NINJ2: variants seen among roughly 807,000 people sequenced by gnomAD.
The protein encoded by NINJ2 is ninjurin-2.
In NINJ2, 12 loss-of-function variants were observed where a neutral mutation model predicts 11.7. The ratio of observed to expected loss-of-function variants is 1.02; its 90% CI spans 0.66 to 1.66. NINJ2 has a LOEUF of 1.66. NINJ2 is among the 40% of genes most tolerant of loss of function. The probability of loss-of-function intolerance (pLI) is 0.00; values close to 1 mark genes in which losing one functional copy is unlikely to be tolerated. For synonymous variants in NINJ2, 93 were observed against 76.8 expected, an observed-to-expected ratio of 1.21 and a Z score of -1.10; for missense variants, 187 against 181.8, an observed-to-expected ratio of 1.03 and a Z score of -0.16.
chr12:635,503 G>GATA lies in NINJ2; in HGVS notation c.33+27824_33+27825insTAT, dbSNP rs1359283709. ...GAAAGGATAATCTTTTCAGTAAATG[G>GATA]TGCTGGAAAAACTGGATAGTCCCAC... is the stretch of plus-strand genomic sequence containing the variant. On this transcript the variant is annotated intron_variant, in intron 1 of 3. Transcript: ENST00000305108. 2.0e-5 allele frequency among the ~76,000 whole-genome samples: 3 copies of GATA among 152,290 alleles called. No individual in the cohort carries two copies. In the South Asian group the frequency reaches 6.2e-4, roughly 32 times the overall value.
chr12:653,470 G>A (rs746232508), intron 1 of NINJ2, among the ~76,000 whole-genome samples: 2 of 152,002 alleles, frequency 1.3e-5, no homozygotes, highest in African/African-American at 4.8e-5. Context: ...GCAATGATAC[G>A]TGGAACAGGA....
At chr12:602,127 A>T (rs1166412077) in intron 1 of NINJ2, among the ~76,000 whole-genome samples, 1 of 152,048 alleles carries the variant, frequency 6.6e-6, no homozygotes. Flanking sequence ...TCCACACTCA[A>T]TGGGGATGAC....
chr12:610,253 G>C (rs1592096112), intron 1 of NINJ2: 1 of 1,044,972 alleles, frequency 9.6e-7, no homozygotes, highest in African/African-American at 1.6e-5. Flanking sequence ...GAGTGAAACA[G>C]CCCCTCTGGC....
intron 1 of NINJ2, among the ~76,000 whole-genome samples, chr12:584,356 T>C (rs2369386): frequency 0.27 from 41,070 of 151,844 alleles, 5,896 homozygotes; most frequent in South Asian, 0.37. Context: ...CTGGGAAACA[T>C]AACGAGACCC....
At chr12:627,940 G>GA (rs1307717101) in intron 1 of NINJ2, among the ~76,000 whole-genome samples, 3 of 151,190 alleles carry the variant, frequency 2.0e-5, no homozygotes, top group Non-Finnish European at 4.4e-5. Flanking sequence ...GTCTCAAAAA[G>GA]AAAAAAAAAG....
At chr12:605,942 G>C (rs1464242693) in intron 1 of NINJ2, among the ~76,000 whole-genome samples, 3 of 152,170 alleles carry the variant, frequency 2.0e-5, no homozygotes, top group South Asian at 4.1e-4. Flanking sequence ...AGAATGTAGG[G>C]AGCAGAAGAA....
chr12:612,222 G>A (rs11063868), intron 1 of NINJ2, among the ~76,000 whole-genome samples: 10,542 of 152,270 alleles, frequency 0.069, 478 homozygotes, highest in Middle Eastern at 0.12. Context: ...ATTACACACA[G>A]GCGAGAAATA....
chr12:577,416 C>CATATATATACATACATATATATGT (rs1947474810), intron 1 of NINJ2, among the ~76,000 whole-genome samples: 1 of 121,240 alleles, frequency 8.2e-6, no homozygotes, highest in Non-Finnish European at 1.8e-5. Context: ...ACACTAGTCT[C>CATATATATACATACATATATATGT]ATATATATAT....
intron 1 of NINJ2, among the ~76,000 whole-genome samples, chr12:612,318 G>A (rs182277645): frequency 7.2e-5 from 11 of 152,186 alleles, no homozygotes; most frequent in African/African-American, 2.4e-4. Flanking sequence ...GTGGGGTGTC[G>A]GGGCAGTCGC....
intron 1 of NINJ2, among the ~76,000 whole-genome samples, chr12:661,955 G>A (rs1937963529): frequency 6.6e-6 from 1 of 152,228 alleles, no homozygotes; most frequent in South Asian, 2.1e-4. Flanking sequence ...TGCCCTCAGA[G>A]ATCTTGTGTC....
intron 1 of NINJ2, chr12:631,017 AAGG>A (rs1466583375): frequency 2.0e-5 from 3 of 152,190 alleles, no homozygotes; most frequent in South Asian, 2.1e-4. Flanking sequence ...TCTGGAGGGG[AAGG>A]AGGAGAGTCA....
intron 1 of NINJ2, among the ~76,000 whole-genome samples, chr12:663,105 C>G (rs1937979180): frequency 6.6e-6 from 1 of 152,074 alleles, no homozygotes; most frequent in Non-Finnish European, 1.5e-5. Context: ...AGGGAGTTAA[C>G]CAATCTGTTT....
chr12:655,946 AAAAT>A (rs1401737941), intron 1 of NINJ2, among the ~76,000 whole-genome samples: 14 of 152,060 alleles, frequency 9.2e-5, no homozygotes, highest in Admixed American at 1.3e-4. Context: ...AAATAAATAT[AAAAT>A]AAATAGATAG....
Position 580,195 on chromosome 12 carries a change from G to C in NINJ2, c.34-14017C>G, listed in dbSNP as rs1188126210. The stretch of plus-strand genomic sequence containing the variant: ...TAAAGTGTATAAAGGGGGAAGCCAG[G>C]AGATAGAGAGCTTATCCATCCCTCC... On this transcript the variant is annotated intron_variant, in intron 1 of 3. Coordinates refer to ENST00000305108, the MANE Select transcript of NINJ2 (RefSeq NM_016533.6). The surrounding 1 kb of genome is among the most constrained non-coding windows in gnomAD (Gnocchi z 4.7). Among the ~76,000 whole-genome samples, 1 of 152,204 alleles carries C rather than the reference G, an allele frequency of 6.6e-6. No homozygotes were observed. The highest frequency in any genetic ancestry group is 1.5e-5 in the Non-Finnish European group (1 of 68,028).
At chr12:601,364 G>GA in intron 1 of NINJ2, among the ~76,000 whole-genome samples, 1 of 149,976 alleles carries the variant, frequency 6.7e-6, no homozygotes, top group African/African-American at 2.5e-5. Flanking sequence ...GGCTAACACA[G>GA]TGAAACCCCG....
intron 1 of NINJ2, among the ~76,000 whole-genome samples, chr12:569,875 T>G (rs1407063455): frequency 6.6e-6 from 1 of 152,206 alleles, no homozygotes; most frequent in Non-Finnish European, 1.5e-5. Context: ...TGCCTTTCAC[T>G]GCGGGTGCTG....
intron 1 of NINJ2, chr12:610,567 G>A: frequency 6.9e-7 from 1 of 1,458,394 alleles, no homozygotes; most frequent in Non-Finnish European, 9.0e-7. Flanking sequence ...TTCACTGGTG[G>A]GTTAGCTGCT....
intron 1 of NINJ2, among the ~76,000 whole-genome samples, chr12:636,378 A>C (rs1948352210): frequency 1.6e-5 from 1 of 61,904 alleles, no homozygotes; most frequent in Non-Finnish European, 3.5e-5. Flanking sequence ...CTCCATCTCA[A>C]ATAAATAAAT....
chr12:607,214 CA>C lies in NINJ2; in HGVS notation c.34-41037del, dbSNP rs372093909. Among the ~76,000 whole-genome samples, 34 of 152,274 alleles carry C rather than the reference CA, an allele frequency of 2.2e-4. No homozygotes were observed. In the South Asian group the frequency reaches 6.8e-3, roughly 31 times the overall value. ...TACTCAACCAGAATCTGCATTTTAG[CA>C]GGATTCCCAGGTGACTTACAGCCAC... On this transcript the variant is annotated intron_variant, in intron 1 of 3. Coordinates refer to ENST00000305108, the MANE Select transcript of NINJ2 (RefSeq NM_016533.6).
Sources: gnomAD v4.1 joint callset for allele counts (sites outside exome capture counted in the v4.1 genomes callset) on GRCh38, gnomAD v4.1.1 for gene constraint, Gnocchi (gnomAD v3.1) non-coding constraint, MANE v1.5 for transcripts, NCBI Gene and HGNC (gene_info 2026-07-23, HGNC 2026-07-21) for gene names.